The following RALGDS variants were observed in gnomAD, a reference collection of about 807,000 sequenced individuals.
RALGDS encodes the protein ral guanine nucleotide exchange factor.
Under a neutral mutation model 99.8 loss-of-function variants are expected in RALGDS, and 44 were observed. The observed-to-expected ratio is 0.44, with a 90% CI of 0.35 to 0.57. RALGDS has a LOEUF of 0.57. RALGDS is among the 20% of genes least tolerant of loss of function. RALGDS has a pLI of 0.01. For synonymous variants in RALGDS, 529 were observed against 505.0 expected, an observed-to-expected ratio of 1.05 and a Z score of -0.64; for missense variants, 1,022 against 1,203.1, an observed-to-expected ratio of 0.85 and a Z score of 2.23.
intron 14 of RALGDS, 53 bp from the exon 15 acceptor site, chr9:133,102,192 C>A: frequency 6.5e-7 from 1 of 1,528,932 alleles, no homozygotes; most frequent in Admixed American, 2.0e-5. Flanking sequence ...ACATCCCAAC[C>A]CCACAGCCCC....
chr9:133,137,231 TCAAAA>T (rs992313333), intron 1 of RALGDS, among the ~76,000 whole-genome samples: 2 of 152,236 alleles, frequency 1.3e-5, no homozygotes, highest in African/African-American at 4.8e-5. Context: ...AGACTCCGTC[TCAAAA>T]CAAAACAACA....
intron 1 of RALGDS, among the ~76,000 whole-genome samples, chr9:133,146,479 A>C (rs997569800): frequency 2.6e-5 from 4 of 152,188 alleles, no homozygotes; most frequent in African/African-American, 7.2e-5. Flanking sequence ...GGTGTGAGCC[A>C]CCGCGCCCAG....
intron 1 of RALGDS, among the ~76,000 whole-genome samples, chr9:133,114,539 C>T (rs1038208588): frequency 2.0e-5 from 3 of 152,228 alleles, no homozygotes; most frequent in African/African-American, 7.2e-5. Flanking sequence ...GTTCCAGCAC[C>T]CACAGGCCAC....
chr9:133,125,742 A>G (rs1168699903), upstream of RALGDS, among the ~76,000 whole-genome samples: 2 of 152,174 alleles, frequency 1.3e-5, no homozygotes, highest in Non-Finnish European at 2.9e-5. Flanking sequence ...TCTCAAAAAA[A>G]GAAGAAAAAG....
intron 4 of RALGDS, 128 bp downstream of exon 4, chr9:133,109,498 C>CT: frequency 1.1e-6 from 1 of 879,986 alleles, no homozygotes; most frequent in East Asian, 2.4e-5. Flanking sequence ...AGCCCTCTAG[C>CT]AGGAACCACA....
rs1391922480 is a variant in RALGDS, at chr9:133,108,714, G to A, written c.737C>T (p.Ala246Val). Residue 246 changes from alanine (A) to valine (V), a missense_variant, in exon 5 of 18, where the codon GCC (alanine) becomes GTC (valine). Coordinates refer to ENST00000372050, the MANE Select transcript of RALGDS (RefSeq NM_006266.4). ...AATGGGTTCCGAGTGCTCCAGCTGG[G>A]CCAGGAGAAGGTGGGCACGGCGCTC... ...DLERRAHLLL[A>V]QLEHSEPIEA... is the part of the protein sequence containing the mutation. 6.2e-7 allele frequency: 1 copy of A among 1,613,752 alleles called. No homozygotes were observed. The highest frequency in any genetic ancestry group is 1.1e-5 in the South Asian group (1 of 91,080).
At chr9:133,101,326 C>T (rs1830745773) in intron 16 of RALGDS, 194 bp downstream of exon 16, 4 of 1,439,670 alleles carry the variant, frequency 2.8e-6, no homozygotes, top group Non-Finnish European at 3.8e-6. Context: ...TGCACGGCTG[C>T]TCCTTTCCTC....
rs1351931680 is a variant in RALGDS at position 133,143,783 on chromosome 9, CAACAATAAT to C, written c.18+5171_18+5179del. ...ATAATAATAATAATAACAACAACAA[CAACAATAAT>C]AATAATAATAATAATAATAATAATA... is the stretch of plus-strand genomic sequence containing the variant. On this transcript the variant is annotated intron_variant, in intron 1 of 17. Coordinates refer to the RALGDS transcript ENST00000393160. 4.7e-3 allele frequency among the ~76,000 whole-genome samples: 510 copies of C among 109,420 alleles called. 5 individuals are homozygous for C. The highest frequency in any genetic ancestry group is 0.021 in the African/African-American group (482 of 22,598). The allele number at this position is 109,420 out of a possible 152,430, so 71.8% of individuals were successfully genotyped here.
chr9:133,102,364 C>CAGCAGGGTAGGAT (rs1830797059), intron 14 of RALGDS, 112 bp downstream of exon 14: 10 of 1,274,262 alleles, frequency 7.8e-6, no homozygotes, highest in Non-Finnish European at 1.1e-5. Context: ...GGCCAGTCAG[C>CAGCAGGGTAGGAT]AGCAGGGTAG....
chr9:133,115,376 C>T (rs372800227), intron 1 of RALGDS, among the ~76,000 whole-genome samples: 3 of 152,184 alleles, frequency 2.0e-5, no homozygotes, highest in African/African-American at 4.8e-5. Context: ...TGGTCCTCCC[C>T]GGGCCTGTGT....
chr9:133,098,465 G>C lies in RALGDS; in HGVS notation c.*122C>G. ...CAATCCCAGCAGCGGGAGAGGTTCA[G>C]GATGAAACTGGAGTCTGGGGTACCC... On this transcript the variant is annotated 3_prime_UTR_variant, in exon 18 of 18. Transcript: ENST00000372050. The C allele has an allele frequency of 1.9e-6, 2 of 1,042,154 alleles. No homozygotes were observed. The highest frequency in any genetic ancestry group is 2.7e-5 in the South Asian group (2 of 73,226). 64.6% of individuals were successfully genotyped at this position (1,042,154 alleles called of 1,614,324 possible). A position where few individuals can be genotyped will look rare whatever the true frequency, so the allele number is the denominator to read the frequency against.
Position 133,112,287 on chromosome 9 carries a change from G to A in RALGDS, c.184-135C>T, listed in dbSNP as rs1588534742. ...CGGCTGCACAGACCTACAGCCTGGG[G>A]TGGAATGAGATCACAGCTCGAGAGC... On this transcript the variant is annotated intron_variant, in intron 1 of 17. Coordinates refer to ENST00000372050, the MANE Select transcript of RALGDS (RefSeq NM_006266.4). 5.8e-6 allele frequency: 4 copies of A among 687,828 alleles called. No individual in the cohort carries two copies. The East Asian group carries it at 8.2e-5, about 14-fold the overall frequency. 42.6% of individuals were successfully genotyped at this position (687,828 alleles called of 1,614,324 possible). A position where few individuals can be genotyped will look rare whatever the true frequency, so the allele number is the denominator to read the frequency against.
Position 133,131,048 on chromosome 9 carries a change from G to A in RALGDS, c.36C>T (p.His12=), listed in dbSNP as rs772873336. The change falls in exon 1 of 18, where the codon CAC becomes CAT. Residue 12 remains histidine (H), a synonymous_variant. Transcript: ENST00000372062. ...ACAGCAGAGGCGGGGAGGAGAGGGT[G>A]TGGGCAGGGGCTGTGGAGTGCCCCC... 632 of 1,530,808 alleles carry A rather than the reference G, an allele frequency of 4.1e-4. 1 individual carries two copies. Among genetic ancestry groups the A allele is most frequent in the Admixed American group, 8.9e-4 (45 of 50,446 alleles). 94.8% of individuals were successfully genotyped at this position (1,530,808 alleles called of 1,614,324 possible). A position where few individuals can be genotyped will look rare whatever the true frequency, so the allele number is the denominator to read the frequency against.
intron 9 of RALGDS, 41 bp downstream of exon 9, chr9:133,105,884 CGCCCCAG>C: frequency 1.7e-5 from 1 of 58,788 alleles, no homozygotes. Flanking sequence ...CCCCAGCCCC[CGCCCCAG>C]CCCCCGCCCC....
intron 1 of RALGDS, among the ~76,000 whole-genome samples, chr9:133,136,500 G>T (rs908829656): frequency 2.0e-5 from 3 of 152,206 alleles, no homozygotes; most frequent in Non-Finnish European, 4.4e-5. Context: ...ACTAGCTCGG[G>T]TGCGGTGGCT....
chr9:133,140,606 G>C (rs915867722), intron 1 of RALGDS, among the ~76,000 whole-genome samples: 2 of 151,982 alleles, frequency 1.3e-5, no homozygotes, highest in African/African-American at 4.8e-5. Flanking sequence ...TTCCCAGAAG[G>C]ACTGGGCAGC....
rs371152440 is a variant in RALGDS, at chr9:133,102,915, A to C, written c.1792-15T>G. The C allele has an allele frequency of 6.2e-7, 1 of 1,612,634 alleles. No individual in the cohort carries two copies. Among genetic ancestry groups the C allele is most frequent in the Non-Finnish European group, 8.5e-7 (1 of 1,179,878 alleles). ...ACCTCGAACTCCTGGGGCCAGAGGG[A>C]AGCACAGGGCGGTGACAAGGCCCCC... is the stretch of plus-strand genomic sequence containing the variant. On this transcript the variant is annotated splice_polypyrimidine_tract_variant and intron_variant, in intron 12 of 17. Transcript: ENST00000372050.
rs750140547 is a variant in RALGDS at position 133,108,118 on chromosome 9, G to A, written c.1067C>T (p.Ala356Val). 3.7e-6 allele frequency: 6 copies of A among 1,611,224 alleles called. No homozygotes were observed. The Admixed American group carries it at 1.0e-4, about 27-fold the overall frequency. The change falls in exon 6 of 18, where the codon GCA becomes GTA. Residue 356 changes from alanine (A) to valine (V), a missense_variant. Coordinates refer to ENST00000372050, the MANE Select transcript of RALGDS (RefSeq NM_006266.4). ...GGAAGGCTGTAATGATGGAACTGGT[G>A]CTGGAGCTGGCTCCAGCTCTAGAGT... The part of the protein sequence containing the change: ...SQTLELEPAP[A>V]PVPSLQPSWP...
intron 1 of RALGDS, among the ~76,000 whole-genome samples, chr9:133,145,330 A>C (rs1161242220): frequency 6.6e-6 from 1 of 152,014 alleles, no homozygotes; most frequent in Non-Finnish European, 1.5e-5. Flanking sequence ...CGCACTCCCC[A>C]GATGAGCACT....
Sources: allele counts gnomAD v4.1 joint callset (sites outside exome capture counted in the v4.1 genomes callset), GRCh38; gene constraint gnomAD v4.1.1; transcripts MANE v1.5; gene names NCBI Gene and HGNC (gene_info 2026-07-23, HGNC 2026-07-21).